Variants in CASR observed in about 807,000 individuals in gnomAD.
The protein encoded by CASR is calcium sensing receptor.
Under a neutral mutation model 69.1 loss-of-function variants are expected in CASR, and 23 were observed. The observed-to-expected ratio is 0.33, with a 90% CI of 0.24 to 0.47. The LOEUF (loss-of-function observed/expected upper bound fraction) is 0.47. Among genes scored for constraint, CASR ranks in the 20% least tolerant of loss-of-function variants. The probability of loss-of-function intolerance (pLI) is 1.00; values close to 1 mark genes in which losing one functional copy is unlikely to be tolerated. For missense variants in CASR, 924 were observed against 1,356.1 expected (o/e 0.68, Z 5.00); for synonymous variants, 541 against 544.7 (o/e 0.99, Z 0.10).
At chr3:122,184,847 A>G (rs2073761933) in intron 1 of CASR, among the ~76,000 whole-genome samples, 1 of 152,238 alleles carries the variant, frequency 6.6e-6, no homozygotes, top group Admixed American at 6.5e-5. Flanking sequence ...TGCCTGTGAT[A>G]TAGTCAGAAA....
At chr3:122,196,796 CT>C (rs776914586) in intron 1 of CASR, among the ~76,000 whole-genome samples, 23 of 152,066 alleles carry the variant, frequency 1.5e-4, no homozygotes, top group Admixed American at 2.6e-4. Flanking sequence ...ATGTTGTCCC[CT>C]TTGCTACCCC....
intron 6 of CASR, among the ~76,000 whole-genome samples, chr3:122,283,215 G>C (rs923893092): frequency 6.6e-6 from 1 of 152,214 alleles, no homozygotes; most frequent in Non-Finnish European, 1.5e-5. Context: ...TGCCTCACTA[G>C]AGTAGCCAGT....
intron 1 of CASR, among the ~76,000 whole-genome samples, chr3:122,239,674 G>A (rs2074361863): frequency 6.6e-6 from 1 of 152,214 alleles, no homozygotes; most frequent in Non-Finnish European, 1.5e-5. Context: ...TGGCCACAGG[G>A]AAGCTTGTGT....
intron 5 of CASR, among the ~76,000 whole-genome samples, chr3:122,279,542 G>A (rs550054338): frequency 2.0e-5 from 3 of 152,258 alleles, no homozygotes; most frequent in South Asian, 2.1e-4. Context: ...GTACAGGAAC[G>A]TAATGATAGC....
At chr3:122,226,033 T>C (rs374795052) in intron 1 of CASR, among the ~76,000 whole-genome samples, 13 of 151,842 alleles carry the variant, frequency 8.6e-5, no homozygotes, top group African/African-American at 2.4e-4. Context: ...TGAATTCACA[T>C]GGGCACAAAG....
At chr3:122,247,809 G>A (rs2074442606) in intron 1 of CASR, 1 of 152,412 alleles carries the variant, frequency 6.6e-6, no homozygotes, top group African/African-American at 2.4e-5. Context: ...GCTTTGTCTA[G>A]GCTTCTGTTT....
rs1406229752 is a variant in CASR, at chr3:122,289,326, A to C, written c.*4135A>C. The C allele has an allele frequency of 6.6e-6, 1 of 152,246 alleles. No individual in the cohort carries two copies. The highest frequency in any genetic ancestry group is 1.5e-5 in the Non-Finnish European group (1 of 68,074). The allele number at this position is 152,246 out of a possible 1,614,324, so 9.4% of individuals were successfully genotyped here. A position where few individuals can be genotyped will look rare whatever the true frequency, so the allele number is the denominator to read the frequency against. ...TTAGGGTAGGTGGGAGGAAGTTGCC[A>C]CAGTGAGATCACAGCCTCTGGGAGA... On this transcript the variant is annotated 3_prime_UTR_variant, in exon 7 of 7. Transcript: ENST00000639785.
chr3:122,259,974 A>G (rs1283346752), intron 3 of CASR, among the ~76,000 whole-genome samples: 1 of 152,228 alleles, frequency 6.6e-6, no homozygotes, highest in Non-Finnish European at 1.5e-5. Context: ...ATCTCTCTGG[A>G]AAAACTAGAG....
chr3:122,195,926 G>C (rs1216011694), intron 1 of CASR, among the ~76,000 whole-genome samples: 1 of 152,122 alleles, frequency 6.6e-6, no homozygotes, highest in Non-Finnish European at 1.5e-5. Context: ...CATATAAAAA[G>C]CTTTTTAAAA....
chr3:122,201,402 C>A (rs919470135), intron 1 of CASR, among the ~76,000 whole-genome samples: 5 of 152,260 alleles, frequency 3.3e-5, no homozygotes, highest in Admixed American at 1.3e-4. Flanking sequence ...GTCTACCTCT[C>A]TCCACACAGA....
intron 1 of CASR, among the ~76,000 whole-genome samples, chr3:122,238,423 C>A (rs1247604551): frequency 1.3e-5 from 2 of 152,228 alleles, no homozygotes; most frequent in Non-Finnish European, 2.9e-5. Flanking sequence ...TGAGTTTCTG[C>A]AAGCCTCACC....
intron 5 of CASR, among the ~76,000 whole-genome samples, chr3:122,281,214 G>T (rs559682401): frequency 1.3e-5 from 2 of 152,312 alleles, no homozygotes; most frequent in East Asian, 3.9e-4. Flanking sequence ...AAAAACTAAT[G>T]AAATTCTGGT....
chr3:122,265,151 C>A (rs1028838075), intron 4 of CASR, among the ~76,000 whole-genome samples: 3 of 152,212 alleles, frequency 2.0e-5, no homozygotes, highest in African/African-American at 7.2e-5. Context: ...CGTATTCCCA[C>A]AACACATTTT....
intron 1 of CASR, among the ~76,000 whole-genome samples, chr3:122,203,260 T>C (rs2073975092): frequency 6.6e-6 from 1 of 152,234 alleles, no homozygotes; most frequent in Admixed American, 6.5e-5. Flanking sequence ...ATATTGAGCC[T>C]TCCTATCTGT....
chr3:122,228,898 T>C (rs887091719), intron 1 of CASR, among the ~76,000 whole-genome samples: 2 of 152,200 alleles, frequency 1.3e-5, no homozygotes, highest in Non-Finnish European at 2.9e-5. Flanking sequence ...CTCCTTTGCC[T>C]GTCCACACCT....
intron 4 of CASR, among the ~76,000 whole-genome samples, chr3:122,266,003 C>A (rs11711722): frequency 0.076 from 11,581 of 152,042 alleles, 603 homozygotes; most frequent in Middle Eastern, 0.16. Flanking sequence ...CTGGATCTTC[C>A]CCATGCTCTT....
At chr3:122,200,354 CAAAT>C (rs1032593955) in intron 1 of CASR, among the ~76,000 whole-genome samples, 3 of 151,956 alleles carry the variant, frequency 2.0e-5, no homozygotes, top group Non-Finnish European at 4.4e-5. Flanking sequence ...AATTATGTGT[CAAAT>C]AAAAATCATA....
At chr3:122,257,604 T>C in intron 3 of CASR, 1 of 523,864 alleles carries the variant, frequency 1.9e-6, no homozygotes, top group Non-Finnish European at 3.4e-6. Flanking sequence ...AAAATTCTTT[T>C]AAATGTACCT....
chr3:122,209,759 A>G (rs547173925), intron 1 of CASR, among the ~76,000 whole-genome samples: 87 of 152,296 alleles, frequency 5.7e-4, no homozygotes, highest in African/African-American at 2.0e-3. Flanking sequence ...CATCATCCTG[A>G]TACCAAAACC....
Sources: gnomAD v4.1 joint callset for allele counts (sites outside exome capture counted in the v4.1 genomes callset) on GRCh38, gnomAD v4.1.1 for gene constraint, MANE v1.5 for transcripts, NCBI Gene and HGNC (gene_info 2026-07-23, HGNC 2026-07-21) for gene names.